The following APBA2 variants were observed in gnomAD, a reference collection of about 807,000 sequenced individuals.
APBA2 encodes the protein amyloid-beta A4 precursor protein-binding family A member 2.
A neutral mutation model predicts 75.0 loss-of-function variants in APBA2; 30 were observed. The observed-to-expected ratio is 0.40, with a 90% CI of 0.30 to 0.54. The LOEUF is 0.54. Ranked by LOEUF, APBA2 falls within the 20% of genes least tolerant of loss-of-function variation. APBA2 has a pLI of 0.49. For missense variants in APBA2, 801 were observed against 1,016.1 expected, an observed-to-expected ratio of 0.79 and a Z score of 2.88; for synonymous variants, 444 against 409.6, an observed-to-expected ratio of 1.08 and a Z score of -1.01.
chr15:29,016,951 T>G (rs2039691354), intron 3 of APBA2, among the ~76,000 whole-genome samples: 1 of 152,236 alleles, frequency 6.6e-6, no homozygotes. Flanking sequence ...TTTGGTGATT[T>G]ATATTTTTGT....
chr15:29,080,578 T>G lies in APBA2; in HGVS notation c.1069+4487T>G, dbSNP rs540093397. ...TAACGCTGCAGAGAAAACCTCCTTATGAAAGTGCGGATTGCACAGAGGATG... is the reference window on the plus strand; with the variant it reads ...TAACGCTGCAGAGAAAACCTCCTTAGGAAAGTGCGGATTGCACAGAGGATG... On this transcript the variant is annotated intron_variant, in intron 6 of 14. Coordinates refer to ENST00000683413, the MANE Select transcript of APBA2 (RefSeq NM_001353788.2). Among the ~76,000 whole-genome samples, 33 of 152,210 alleles carry G rather than the reference T, an allele frequency of 2.2e-4. No homozygotes were observed. The South Asian group carries it at 6.9e-3, about 32-fold the overall frequency.
chr15:28,934,101 C>T (rs1331162039), intron 2 of APBA2, among the ~76,000 whole-genome samples: 1 of 149,926 alleles, frequency 6.7e-6, no homozygotes, highest in Non-Finnish European at 1.5e-5. Flanking sequence ...GGAGAAGAGA[C>T]GGGGGTGGAG....
intron 2 of APBA2, among the ~76,000 whole-genome samples, chr15:28,992,446 A>G (rs2152786304): frequency 6.6e-6 from 1 of 152,344 alleles, no homozygotes; most frequent in African/African-American, 2.4e-5. Flanking sequence ...AGAAATTTGC[A>G]CGTAGAATAA....
intron 3 of APBA2, among the ~76,000 whole-genome samples, chr15:29,000,491 G>A (rs1044384165): frequency 1.1e-4 from 17 of 152,200 alleles, no homozygotes; most frequent in African/African-American, 2.9e-4. Flanking sequence ...TGATGCAGCC[G>A]TCTTGCTCCC....
intron 3 of APBA2, among the ~76,000 whole-genome samples, chr15:29,030,522 G>A (rs918357523): frequency 2.0e-5 from 3 of 151,826 alleles, no homozygotes; most frequent in Middle Eastern, 3.4e-3. Flanking sequence ...AACGCTTAAG[G>A]GAATTCTGTT....
chr15:29,113,498 A>G (rs1023298802), intron 13 of APBA2, among the ~76,000 whole-genome samples: 2 of 152,060 alleles, frequency 1.3e-5, no homozygotes, highest in East Asian at 3.9e-4. Context: ...CCGCCCGCCC[A>G]TCAGCTAAGT....
Position 29,088,483 on chromosome 15 carries a change from G to A in APBA2, c.1070-4592G>A, listed in dbSNP as rs369302519. On this transcript the variant is annotated intron_variant, in intron 6 of 14. Transcript: ENST00000683413. ...TCAGTGAGGGGCAGGTCTGTCCATC[G>A]AGCTCTGCAACCATTGTCTAGCGTC... is the stretch of plus-strand genomic sequence containing the variant. 2.1e-4 allele frequency among the ~76,000 whole-genome samples: 32 copies of A among 152,224 alleles called. No individual in the cohort carries two copies. In the South Asian group the frequency reaches 6.0e-3, roughly 29 times the overall value.
At chr15:29,012,899 A>G (rs930531564) in intron 3 of APBA2, among the ~76,000 whole-genome samples, 3 of 152,078 alleles carry the variant, frequency 2.0e-5, no homozygotes, top group Admixed American at 2.0e-4. Flanking sequence ...GGCTTCCATC[A>G]CTCACAAATC....
At chr15:28,944,160 A>G (rs535242380) in intron 2 of APBA2, among the ~76,000 whole-genome samples, 39 of 152,308 alleles carry the variant, frequency 2.6e-4, no homozygotes, top group African/African-American at 8.7e-4. Context: ...TTCAGGATCA[A>G]ATTGTGTCTC....
chr15:29,056,927 G>A (rs2041926003), intron 4 of APBA2, among the ~76,000 whole-genome samples: 1 of 151,994 alleles, frequency 6.6e-6, no homozygotes, highest in Admixed American at 6.5e-5. Flanking sequence ...TGAAGGATGT[G>A]CACTGGGAGA....
At chr15:29,108,720 A>ATCACTTACTGTGCTCAACAAACAGACG (rs2044574178) in intron 13 of APBA2, 1 of 473,054 alleles carries the variant, frequency 2.1e-6, no homozygotes, top group African/African-American at 2.0e-5. Flanking sequence ...CAATTGTGGC[A>ATCACTTACTGTGCTCAACAAACAGACG]TCACTTACTG....
chr15:29,078,783 G>A (rs992873101), intron 6 of APBA2, among the ~76,000 whole-genome samples: 49 of 152,076 alleles, frequency 3.2e-4, no homozygotes, highest in African/African-American at 9.9e-4. Flanking sequence ...ATTGCTTCTC[G>A]TTCTAGGCAG....
At chr15:28,988,479 G>C (rs575680483) in intron 2 of APBA2, among the ~76,000 whole-genome samples, 1 of 152,224 alleles carries the variant, frequency 6.6e-6, no homozygotes, top group Non-Finnish European at 1.5e-5. Context: ...GGCCAGGCTG[G>C]TCTCGAACTC....
chr15:29,021,285 T>G (rs2039941448), intron 3 of APBA2, among the ~76,000 whole-genome samples: 1 of 152,064 alleles, frequency 6.6e-6, no homozygotes, highest in Admixed American at 6.6e-5. Context: ...TCCCAGCACT[T>G]TGGGAAGCCA....
intron 2 of APBA2, among the ~76,000 whole-genome samples, chr15:28,925,245 A>G (rs956769109): frequency 1.3e-5 from 2 of 152,220 alleles, no homozygotes; most frequent in Non-Finnish European, 2.9e-5. Context: ...GTTGTAGTGT[A>G]TAATTCTTTT....
chr15:28,895,457 G>C (rs1307077952), intron 1 of APBA2: 1 of 152,360 alleles, frequency 6.6e-6, no homozygotes, highest in African/African-American at 2.4e-5. Flanking sequence ...ACATTCGGGT[G>C]CCTCCTGTCC....
intron 2 of APBA2, among the ~76,000 whole-genome samples, chr15:28,955,168 G>A (rs905769562): frequency 2.0e-5 from 3 of 151,922 alleles, no homozygotes; most frequent in African/African-American, 7.2e-5. Flanking sequence ...TAACCACCTA[G>A]GATACCTCTA....
intron 2 of APBA2, among the ~76,000 whole-genome samples, chr15:28,940,473 AACCCG>A (rs1330805278): frequency 3.5e-5 from 5 of 144,000 alleles, no homozygotes; most frequent in African/African-American, 1.1e-4. Context: ...AACCCGGGTG[AACCCG>A]GGAGGTGGAG....
At chr15:29,069,914 C>T (rs1030349762) in intron 4 of APBA2, among the ~76,000 whole-genome samples, 10 of 152,240 alleles carry the variant, frequency 6.6e-5, no homozygotes, top group African/African-American at 2.4e-4. Context: ...CTGCCCTTTA[C>T]AGGGCTCTGT....
Sources: allele counts gnomAD v4.1 joint callset (sites outside exome capture counted in the v4.1 genomes callset), GRCh38; gene constraint gnomAD v4.1.1; transcripts MANE v1.5; gene names NCBI Gene and HGNC (gene_info 2026-07-23, HGNC 2026-07-21).